ROBO1: variants seen among roughly 807,000 people sequenced by gnomAD.
ROBO1 encodes the protein roundabout homolog 1.
Under a neutral mutation model 195.9 loss-of-function variants are expected in ROBO1, and 149 were observed. That is an observed-to-expected ratio of 0.76 (90% CI 0.67 to 0.87). The LOEUF (loss-of-function observed/expected upper bound fraction) is 0.87, where lower values mean the gene tolerates loss of function less well. ROBO1 is among the 40% of genes least tolerant of loss of function. ROBO1 has a pLI of 0.00. For missense variants in ROBO1, 1,933 were observed against 2,068.3 expected, an observed-to-expected ratio of 0.93 and a Z score of 1.27; for synonymous variants, 816 against 733.2, an observed-to-expected ratio of 1.11 and a Z score of -1.82.
chr3:79,180,954 A>G (rs1423924189), intron 2 of ROBO1, among the ~76,000 whole-genome samples: 2 of 152,182 alleles, frequency 1.3e-5, no homozygotes, highest in Non-Finnish European at 2.9e-5. Context: ...ATGGTCTGAA[A>G]GAAGGCTGGT....
chr3:78,913,155 G>A (rs9817408), intron 4 of ROBO1, among the ~76,000 whole-genome samples: 6,111 of 152,102 alleles, frequency 0.04, 347 homozygotes, highest in African/African-American at 0.13. Flanking sequence ...GCATTTCTAC[G>A]ATGGAATAAA....
intron 2 of ROBO1, among the ~76,000 whole-genome samples, chr3:79,446,581 G>A (rs541987853): frequency 6.6e-6 from 1 of 152,108 alleles, no homozygotes; most frequent in South Asian, 2.1e-4. Context: ...ATTATTTTTG[G>A]GGAACATCTG....
At chr3:78,801,516 C>T (rs547588333) in intron 4 of ROBO1, among the ~76,000 whole-genome samples, 1 of 151,946 alleles carries the variant, frequency 6.6e-6, no homozygotes, top group Non-Finnish European at 1.5e-5. Context: ...AAAAAATACA[C>T]AGACATAAAA....
chr3:79,219,906 T>C, intron 2 of ROBO1, among the ~76,000 whole-genome samples: 1 of 152,156 alleles, frequency 6.6e-6, no homozygotes. Context: ...CTTCCCCACT[T>C]ACTTATGAGG....
chr3:79,515,941 T>C (rs1337904025), intron 2 of ROBO1, among the ~76,000 whole-genome samples: 1 of 152,176 alleles, frequency 6.6e-6, no homozygotes, highest in Non-Finnish European at 1.5e-5. Context: ...GAATAAAATA[T>C]ACTGGGTCAT....
At chr3:78,620,086 A>C (rs1043240311) in intron 26 of ROBO1, among the ~76,000 whole-genome samples, 3 of 152,108 alleles carry the variant, frequency 2.0e-5, no homozygotes, top group Non-Finnish European at 4.4e-5. Flanking sequence ...GCAAGCAAAC[A>C]AAACAAAACC....
intron 2 of ROBO1, among the ~76,000 whole-genome samples, chr3:79,355,885 T>C (rs2035531468): frequency 6.6e-6 from 1 of 152,148 alleles, no homozygotes; most frequent in Non-Finnish European, 1.5e-5. Flanking sequence ...AGTGCAGAAA[T>C]ATATTCAACA....
chr3:79,617,189 C>T (rs1022944976), intron 1 of ROBO1, among the ~76,000 whole-genome samples: 1 of 152,164 alleles, frequency 6.6e-6, no homozygotes, highest in Non-Finnish European at 1.5e-5. Flanking sequence ...ACTTCCTCAA[C>T]CATCCCAGTC....
chr3:78,662,087 T>C lies in ROBO1; in HGVS notation c.1994A>G (p.Asp665Gly), dbSNP rs763892669. Residue 665 changes from aspartate (D) to glycine (G), a missense_variant, in exon 15 of 31, where the codon GAC becomes GGC. Asp to Gly is a moderately conservative substitution (Grantham distance 94). Transcript: ENST00000464233. ...CAGCTCTCTCTGGACCTGCTTGTGG[T>C]CCACCCCCTGACTTGTTGGTAGGAC... The part of the protein sequence containing the change: ...QDVLPTSQGV[D>G]HKQVQRELGN... The C allele has an allele frequency of 1.9e-6, 3 of 1,570,246 alleles. No individual in the cohort carries two copies. The highest frequency in any genetic ancestry group is 2.7e-5 in the African/African-American group (2 of 73,992).
intron 4 of ROBO1, among the ~76,000 whole-genome samples, chr3:78,931,794 T>G (rs2039547970): frequency 6.6e-6 from 1 of 152,038 alleles, no homozygotes; most frequent in Non-Finnish European, 1.5e-5. Context: ...AGAGAGATCC[T>G]GTCTCCACAA....
chr3:79,361,267 G>A (rs1435880202), intron 2 of ROBO1, among the ~76,000 whole-genome samples: 1 of 151,792 alleles, frequency 6.6e-6, no homozygotes, highest in Non-Finnish European at 1.5e-5. Flanking sequence ...TTCTACTTAT[G>A]CATCTTTGTA....
At position 79,625,821 on chromosome 3, in the gene ROBO1, C is replaced by T. The variant is rs1291258042; in HGVS notation, c.-50-35860G>A. On this transcript the variant is annotated intron_variant, in intron 1 of 30. Transcript: ENST00000464233. The stretch of plus-strand genomic sequence containing the variant: ...CGATTCCTTCTGAAATTATTCTAAA[C>T]AATTGAAAAGGGGGGACGCCTCTCT... 2.6e-5 allele frequency among the ~76,000 whole-genome samples: 4 copies of T among 152,072 alleles called. No homozygotes were observed. The East Asian group carries it at 7.7e-4, about 29-fold the overall frequency.
chr3:79,716,205 T>C (rs144306978), intron 1 of ROBO1, among the ~76,000 whole-genome samples: 166 of 152,110 alleles, frequency 1.1e-3, no homozygotes, highest in African/African-American at 3.6e-3. Flanking sequence ...AGTGCTAAGA[T>C]AAATATGGTA....
At chr3:79,188,051 C>T (rs1338649514) in intron 2 of ROBO1, among the ~76,000 whole-genome samples, 1 of 151,894 alleles carries the variant, frequency 6.6e-6, no homozygotes. Flanking sequence ...TATTTTTATA[C>T]TGAGTGCAGA....
intron 3 of ROBO1, among the ~76,000 whole-genome samples, chr3:79,088,928 T>G (rs748154936): frequency 3.3e-5 from 5 of 152,040 alleles, no homozygotes; most frequent in Non-Finnish European, 7.4e-5. Context: ...TTGGCAATAT[T>G]GGGAAAAACT....
At chr3:78,696,125 G>GAAAAAAAAAAAAA (rs34340807) in intron 8 of ROBO1, among the ~76,000 whole-genome samples, 3 of 108,710 alleles carry the variant, frequency 2.8e-5, no homozygotes, top group East Asian at 2.4e-4. Flanking sequence ...GAAAGAATCA[G>GAAAAAAAAAAAAA]AAAAAAAAAA....
At chr3:79,374,881 C>T (rs1293417089) in intron 2 of ROBO1, among the ~76,000 whole-genome samples, 1 of 152,106 alleles carries the variant, frequency 6.6e-6, no homozygotes, top group African/African-American at 2.4e-5. Context: ...TACAATCAGA[C>T]TTTAGCTCTA....
intron 2 of ROBO1, among the ~76,000 whole-genome samples, chr3:79,478,968 A>G (rs541356715): frequency 3.5e-4 from 54 of 152,356 alleles, no homozygotes; most frequent in South Asian, 1.2e-3. Flanking sequence ...AGAGTATAAT[A>G]TGTACTCCAC....
intron 4 of ROBO1, among the ~76,000 whole-genome samples, chr3:78,752,821 C>T (rs1016970344): frequency 1.3e-5 from 2 of 152,088 alleles, no homozygotes; most frequent in South Asian, 4.1e-4. Context: ...TAAAGGTACT[C>T]ATTTAATTTT....
Sources: gnomAD v4.1 joint callset for allele counts (sites outside exome capture counted in the v4.1 genomes callset) on GRCh38, gnomAD v4.1.1 for gene constraint, MANE v1.5 for transcripts, NCBI Gene and HGNC (gene_info 2026-07-23, HGNC 2026-07-21) for gene names.